The following SIPA1L3 variants were observed in gnomAD, a reference collection of about 807,000 sequenced individuals.
SIPA1L3 encodes signal-induced proliferation-associated 1-like protein 3.
Under a neutral mutation model 150.1 loss-of-function variants are expected in SIPA1L3, and 59 were observed. The ratio of observed to expected loss-of-function variants is 0.39; its 90% CI spans 0.32 to 0.49. The LOEUF (loss-of-function observed/expected upper bound fraction) is 0.49, where lower values mean the gene tolerates loss of function less well. Ranked by LOEUF, SIPA1L3 falls within the 20% of genes least tolerant of loss-of-function variation. SIPA1L3 has a pLI of 0.86. For synonymous variants in SIPA1L3, 1,070 were observed against 1,077.6 expected (o/e 0.99, Z 0.14); for missense variants, 2,211 against 2,489.5 (o/e 0.89, Z 2.38).
chr19:38,125,787 G>T (rs895024138), intron 9 of SIPA1L3, among the ~76,000 whole-genome samples: 1 of 152,192 alleles, frequency 6.6e-6, no homozygotes, highest in African/African-American at 2.4e-5. Context: ...GTTGTTATGC[G>T]CCTGGCCTTG....
intron 1 of SIPA1L3, among the ~76,000 whole-genome samples, chr19:37,952,588 C>T (rs2046774449): frequency 6.6e-6 from 1 of 151,428 alleles, no homozygotes; most frequent in African/African-American, 2.4e-5. Context: ...CAGGAGAATT[C>T]CTTGAACCCG....
intron 1 of SIPA1L3, among the ~76,000 whole-genome samples, chr19:37,989,535 G>C (rs1417084130): frequency 6.6e-6 from 1 of 152,126 alleles, no homozygotes; most frequent in Non-Finnish European, 1.5e-5. Context: ...ACCCAGCTAT[G>C]CAGCACCTAT....
intron 1 of SIPA1L3, among the ~76,000 whole-genome samples, chr19:38,009,318 C>T (rs1303902202): frequency 6.6e-6 from 1 of 152,058 alleles, no homozygotes; most frequent in Non-Finnish European, 1.5e-5. Context: ...GCGCCCAGCC[C>T]TATTCTGGGC....
intron 4 of SIPA1L3, among the ~76,000 whole-genome samples, chr19:38,089,301 G>A (rs1046635689): frequency 6.8e-6 from 1 of 147,972 alleles, no homozygotes; most frequent in Non-Finnish European, 1.5e-5. Flanking sequence ...CTGCCAGCCT[G>A]GGTGACAGAG....
intron 2 of SIPA1L3, among the ~76,000 whole-genome samples, chr19:38,045,099 T>TG (rs1488362470): frequency 6.6e-6 from 1 of 152,088 alleles, no homozygotes; most frequent in African/African-American, 2.4e-5. Context: ...ATAATCAGGC[T>TG]GGGCGCAGTG....
At chr19:38,109,652 G>A (rs1446396802) in intron 7 of SIPA1L3, 4 of 153,326 alleles carry the variant, frequency 2.6e-5, no homozygotes, top group African/African-American at 9.6e-5. Flanking sequence ...TGTGCTCTCT[G>A]GATCTTACTT....
At chr19:37,957,675 G>A (rs976212023) in intron 1 of SIPA1L3, among the ~76,000 whole-genome samples, 1 of 151,714 alleles carries the variant, frequency 6.6e-6, no homozygotes, top group African/African-American at 2.4e-5. Context: ...GCATAGCTAG[G>A]ACTATAGGCA....
intron 1 of SIPA1L3, among the ~76,000 whole-genome samples, chr19:37,957,811 A>G (rs1359386389): frequency 6.6e-6 from 1 of 152,040 alleles, no homozygotes; most frequent in Admixed American, 6.6e-5. Context: ...TTCTGAGCTC[A>G]AGTGATCCTC....
At chr19:38,181,359 G>T (rs1473147281) in intron 15 of SIPA1L3, among the ~76,000 whole-genome samples, 1 of 152,194 alleles carries the variant, frequency 6.6e-6, no homozygotes, top group African/African-American at 2.4e-5. Context: ...CTAGCTGGGT[G>T]TGCTGGCACA....
rs529674239 is a variant in SIPA1L3, at chr19:38,177,111, T to C, written c.4209-5408T>C. 1.0e-3 allele frequency among the ~76,000 whole-genome samples: 156 copies of C among 151,810 alleles called. 1 individual carries two copies. The highest frequency in any genetic ancestry group is 1.4e-3 in the Non-Finnish European group (92 of 67,868). On this transcript the variant is annotated intron_variant, in intron 15 of 21. Transcript: ENST00000222345. ...GCGCGGTGGCTCACTCCTGTAATCCTAGCACTTTGGGAGGCCAAGGTGGGC... is the reference window on the plus strand; with the variant it reads ...GCGCGGTGGCTCACTCCTGTAATCCCAGCACTTTGGGAGGCCAAGGTGGGC...
chr19:38,099,330 G>T (rs1319551645), intron 4 of SIPA1L3, among the ~76,000 whole-genome samples: 1 of 131,554 alleles, frequency 7.6e-6, no homozygotes, highest in Non-Finnish European at 1.5e-5. Flanking sequence ...AGCCACCCAC[G>T]CCTGGCCTTT....
At chr19:38,142,763 TC>T in intron 12 of SIPA1L3, 53 bp downstream of exon 12, 1 of 1,563,420 alleles carries the variant, frequency 6.4e-7, no homozygotes, top group South Asian at 1.2e-5. Flanking sequence ...AAGCTGTGCC[TC>T]CTTCTTCCCC....
At chr19:38,137,955 A>AC (rs1971473370) in intron 10 of SIPA1L3, among the ~76,000 whole-genome samples, 1 of 151,846 alleles carries the variant, frequency 6.6e-6, no homozygotes, top group Non-Finnish European at 1.5e-5. Context: ...ACATGGTGAA[A>AC]CCCCATCTCT....
In SIPA1L3 at chr19:38,082,877, T is replaced by A; in HGVS notation, c.1312T>A (p.Cys438Ser). 1 of 1,613,258 alleles carries A rather than the reference T, an allele frequency of 6.2e-7. No individual in the cohort carries two copies. The highest frequency in any genetic ancestry group is 8.5e-7 in the Non-Finnish European group (1 of 1,179,848). ...CTTCCGCAATGAGATCGGGGGCGAG[T>A]GTGAGCGCAACGTGAGCTTCTCCCG... ...PHFRNEIGGE[C>S]ERNVSFSRAS... is the part of the protein sequence containing the mutation. The change falls in exon 3 of 22, where the codon TGT becomes AGT. Residue 438 changes from cysteine (C) to serine (S), a missense_variant. By Grantham distance (112) the Cys-to-Ser change is moderately radical (BLOSUM62 -1). Coordinates refer to ENST00000222345, the MANE Select transcript of SIPA1L3 (RefSeq NM_015073.3).
intron 10 of SIPA1L3, among the ~76,000 whole-genome samples, chr19:38,140,914 C>T (rs1399825048): frequency 1.3e-5 from 2 of 151,864 alleles, no homozygotes; most frequent in Admixed American, 6.6e-5. Context: ...AAAACTTAGC[C>T]GGGCGTAGTG....
At position 38,023,039 on chromosome 19, in the gene SIPA1L3, G is replaced by A. The variant is rs568790001; in HGVS notation, c.-378-6050G>A. 7.2e-5 allele frequency among the ~76,000 whole-genome samples: 11 copies of A among 152,274 alleles called. No individual in the cohort carries two copies. In the South Asian group the frequency reaches 1.7e-3, roughly 23 times the overall value. ...TTTGGTGTTGTCAGCCTGGCATTTCGGCCAATCTGCTGTGTGTGGAATGGC... is the reference window on the plus strand; with the variant it reads ...TTTGGTGTTGTCAGCCTGGCATTTCAGCCAATCTGCTGTGTGTGGAATGGC... On this transcript the variant is annotated intron_variant, in intron 1 of 21. Transcript: ENST00000222345.
At position 38,082,319 on chromosome 19, in the gene SIPA1L3, G is replaced by A; in HGVS notation, c.754G>A (p.Gly252Arg). 3 of 1,598,944 alleles carry A rather than the reference G, an allele frequency of 1.9e-6. No individual in the cohort carries two copies. The highest frequency in any genetic ancestry group is 2.5e-6 in the Non-Finnish European group (3 of 1,179,018). ...LRADPGPHLMGGGGGAKGDSH... is the reference protein window; with the variant it reads ...LRADPGPHLMRGGGGAKGDSH... ...GGCAGATCCTGGCCCACACCTCATG[G>A]GGGGCGGCGGCGGAGCCAAGGGGGA... Residue 252 changes from glycine to arginine, a missense_variant, in exon 3 of 22, where the codon GGG becomes AGG. Gly to Arg is a moderately radical substitution (Grantham distance 125). This residue lies in a region of SIPA1L3 where 587 missense variants were observed against 534.5 expected (regional missense o/e 1.10). Coordinates refer to ENST00000222345, the MANE Select transcript of SIPA1L3 (RefSeq NM_015073.3).
intron 16 of SIPA1L3, among the ~76,000 whole-genome samples, chr19:38,183,243 G>A (rs1382264022): frequency 1.3e-5 from 2 of 152,170 alleles, no homozygotes; most frequent in Non-Finnish European, 2.9e-5. Flanking sequence ...CAGAGAGGGG[G>A]CAGGATCTAA....
At chr19:38,025,806 A>G (rs1351853217) in intron 1 of SIPA1L3, among the ~76,000 whole-genome samples, 2 of 152,198 alleles carry the variant, frequency 1.3e-5, no homozygotes, top group African/African-American at 4.8e-5. Flanking sequence ...CTGCCCTGCC[A>G]AGCATCTTGA....
Sources: allele counts gnomAD v4.1 joint callset (sites outside exome capture counted in the v4.1 genomes callset), GRCh38; gene constraint gnomAD v4.1.1; regional missense constraint gnomAD v4.1.1; transcripts MANE v1.5; gene names NCBI Gene and HGNC (gene_info 2026-07-23, HGNC 2026-07-21).